Variants in SPATA16 observed in about 807,000 individuals in gnomAD.
SPATA16 encodes spermatogenesis-associated protein 16.
SPATA16 carries 36 observed loss-of-function variants against 63.3 expected under a neutral mutation model. That is an observed-to-expected ratio of 0.57 (90% CI 0.44 to 0.75). The LOEUF is 0.75. Among genes scored for constraint, SPATA16 ranks in the 30% least tolerant of loss-of-function variants. The pLI is 0.00. For synonymous variants in SPATA16, 203 were observed against 216.7 expected (o/e 0.94, Z 0.56); for missense variants, 646 against 679.3 (o/e 0.95, Z 0.54).
chr3:172,912,589 GACA>G (rs1380695682), intron 10 of SPATA16, among the ~76,000 whole-genome samples: 1 of 151,844 alleles, frequency 6.6e-6, no homozygotes, highest in Non-Finnish European at 1.5e-5. Flanking sequence ...TCGACATGAA[GACA>G]ACAAGGGTGA....
intron 2 of SPATA16, among the ~76,000 whole-genome samples, chr3:173,098,139 A>G (rs888615363): frequency 5.4e-5 from 8 of 148,096 alleles, no homozygotes; most frequent in Non-Finnish European, 9.0e-5. Context: ...TCATCCCAGA[A>G]GTGAAAAAAA....
chr3:173,052,223 A>G (rs796493148), intron 2 of SPATA16, among the ~76,000 whole-genome samples: 8 of 152,302 alleles, frequency 5.3e-5, no homozygotes, highest in African/African-American at 1.9e-4. Flanking sequence ...CATAATAGTA[A>G]AGACTGTCTA....
intron 5 of SPATA16, among the ~76,000 whole-genome samples, chr3:172,960,971 CTTTT>C (rs573227545): frequency 3.7e-5 from 5 of 134,200 alleles, no homozygotes; most frequent in African/African-American, 5.6e-5. Flanking sequence ...CTCTCTCTTT[CTTTT>C]TCTCTTTCTC....
chr3:173,109,594 G>T (rs1459367802), intron 2 of SPATA16, among the ~76,000 whole-genome samples: 1 of 151,978 alleles, frequency 6.6e-6, no homozygotes, highest in Non-Finnish European at 1.5e-5. Context: ...TTCCATCGGG[G>T]TTGGGATGAT....
At position 173,088,780 on chromosome 3, in the gene SPATA16, C is replaced by T. The variant is rs186031005; in HGVS notation, c.612+28340G>A. Among the ~76,000 whole-genome samples, 14 of 152,274 alleles carry T rather than the reference C, an allele frequency of 9.2e-5. 1 individual carries two copies. Among genetic ancestry groups the T allele is most frequent in the Admixed American group, 2.6e-4 (4 of 15,282 alleles). ...CAAAGTGCCTTCCCATAGGCAAGAACATAAACATTCATTTACTCACTCAAC... is the reference window on the plus strand; with the variant it reads ...CAAAGTGCCTTCCCATAGGCAAGAATATAAACATTCATTTACTCACTCAAC... On this transcript the variant is annotated intron_variant, in intron 2 of 10. Transcript: ENST00000351008.
At chr3:173,049,635 C>G (rs1292392284) in intron 2 of SPATA16, among the ~76,000 whole-genome samples, 1 of 151,984 alleles carries the variant, frequency 6.6e-6, no homozygotes, top group Admixed American at 6.6e-5. Flanking sequence ...ATCATATTCT[C>G]TAGTATGTTA....
intron 2 of SPATA16, among the ~76,000 whole-genome samples, chr3:173,068,668 A>C (rs1028569444): frequency 1.3e-5 from 2 of 152,114 alleles, no homozygotes; most frequent in African/African-American, 2.4e-5. Flanking sequence ...GCTTACTAAA[A>C]CCTATGCAAT....
chr3:172,929,145 C>G (rs183907865), intron 6 of SPATA16, among the ~76,000 whole-genome samples: 1 of 152,148 alleles, frequency 6.6e-6, no homozygotes, highest in Admixed American at 6.5e-5. Flanking sequence ...TCAAAAGAAA[C>G]TTGGGAGAAA....
chr3:173,049,237 A>G (rs1736027236), intron 2 of SPATA16, 143 bp from the exon 3 acceptor site: 2 of 789,376 alleles, frequency 2.5e-6, no homozygotes, highest in African/African-American at 1.7e-5. Context: ...AAAAGTATAT[A>G]TGATGCTTTT....
chr3:173,105,231 A>T lies in SPATA16; in HGVS notation c.612+11889T>A, dbSNP rs9847451. Among the ~76,000 whole-genome samples, 1,195 of 152,338 alleles carry T rather than the reference A, an allele frequency of 7.8e-3. 26 individuals carry two copies. Among genetic ancestry groups the T allele is most frequent in the African/African-American group, 0.026 (1,099 of 41,564 alleles). On this transcript the variant is annotated intron_variant, in intron 2 of 10. Transcript: ENST00000351008. ...TAGTTGGCATCCTGAACACATAGTT[A>T]ACATAGTCCAACTTTTCAGGTCAAA...
chr3:173,047,715 A>G (rs1735989422), intron 3 of SPATA16, among the ~76,000 whole-genome samples: 1 of 152,088 alleles, frequency 6.6e-6, no homozygotes. Context: ...TGGAAATAGA[A>G]CAAAATTGTT....
intron 1 of SPATA16, among the ~76,000 whole-genome samples, chr3:173,134,619 A>G (rs1470038680): frequency 6.6e-6 from 1 of 152,202 alleles, no homozygotes; most frequent in Non-Finnish European, 1.5e-5. Flanking sequence ...CACCAGAAAC[A>G]GCAGATGCTG....
chr3:172,986,847 G>A (rs1252281746), intron 4 of SPATA16, among the ~76,000 whole-genome samples: 3 of 152,128 alleles, frequency 2.0e-5, no homozygotes, highest in Non-Finnish European at 4.4e-5. Context: ...GAGGTGGGAG[G>A]TGATTGCAGG....
At chr3:172,961,709 A>G (rs182344339) in intron 5 of SPATA16, among the ~76,000 whole-genome samples, 1 of 152,216 alleles carries the variant, frequency 6.6e-6, no homozygotes. Flanking sequence ...AGGACTTATT[A>G]AATGACTTTA....
intron 1 of SPATA16, among the ~76,000 whole-genome samples, chr3:173,119,846 G>A (rs1267160575): frequency 7.9e-6 from 1 of 126,818 alleles, no homozygotes; most frequent in Admixed American, 8.3e-5. Context: ...CTTGGCCTTT[G>A]GGAGGCCAAG....
chr3:172,942,463 T>C (rs1322156404), intron 6 of SPATA16, among the ~76,000 whole-genome samples: 2 of 152,196 alleles, frequency 1.3e-5, no homozygotes, highest in African/African-American at 2.4e-5. Flanking sequence ...ACGTTAACAT[T>C]AAGGTGAAGA....
chr3:172,966,807 C>A (rs1733928789), intron 5 of SPATA16, among the ~76,000 whole-genome samples: 1 of 152,030 alleles, frequency 6.6e-6, no homozygotes, highest in Non-Finnish European at 1.5e-5. Flanking sequence ...TTATCTTATA[C>A]CTGAGTGAAC....
intron 4 of SPATA16, among the ~76,000 whole-genome samples, chr3:173,011,395 A>G (rs553416281): frequency 6.6e-6 from 1 of 152,240 alleles, no homozygotes; most frequent in Non-Finnish European, 1.5e-5. Flanking sequence ...CAAACTAGGC[A>G]TTGAAGAAAC....
At chr3:172,956,485 A>G (rs1236645021) in intron 6 of SPATA16, among the ~76,000 whole-genome samples, 192 bp downstream of exon 6, 1 of 152,172 alleles carries the variant, frequency 6.6e-6, no homozygotes, top group Non-Finnish European at 1.5e-5. Context: ...ATGAAAGTAC[A>G]AGAAATATTG....
Sources: allele counts gnomAD v4.1 joint callset (sites outside exome capture counted in the v4.1 genomes callset), GRCh38; gene constraint gnomAD v4.1.1; transcripts MANE v1.5; gene names NCBI Gene and HGNC (gene_info 2026-07-23, HGNC 2026-07-21).